The following EYS variants were observed in gnomAD, a reference collection of about 807,000 sequenced individuals.
The protein encoded by EYS is protein eyes shut homolog.
A neutral mutation model predicts 282.1 loss-of-function variants in EYS; 250 were observed. That is an observed-to-expected ratio of 0.89 (90% CI 0.80 to 0.98). The LOEUF (loss-of-function observed/expected upper bound fraction) is 0.98. Ranked by LOEUF, EYS falls within the 50% of genes least tolerant of loss-of-function variation. EYS has a pLI of 0.00. For synonymous variants in EYS, 1,355 were observed against 1,282.9 expected (o/e 1.06, Z -1.20); for missense variants, 4,016 against 3,709.0 (o/e 1.08, Z -2.15).
intron 12 of EYS, among the ~76,000 whole-genome samples, chr6:65,272,366 A>G (rs1177601479): frequency 2.0e-5 from 3 of 152,122 alleles, no homozygotes; most frequent in African/African-American, 7.2e-5. Flanking sequence ...CTTCATGAGC[A>G]GGAACCGAAG....
chr6:64,077,425 C>T (rs558721023), intron 32 of EYS, among the ~76,000 whole-genome samples: 1 of 152,018 alleles, frequency 6.6e-6, no homozygotes, highest in Admixed American at 6.6e-5. Flanking sequence ...CATTTGTTTT[C>T]TCCAGGAGTA....
chr6:65,463,304 G>A (rs1764884934), intron 5 of EYS, among the ~76,000 whole-genome samples: 1 of 151,988 alleles, frequency 6.6e-6, no homozygotes, highest in Admixed American at 6.6e-5. Context: ...CCAAACAATT[G>A]TCACTGTTCA....
chr6:65,063,125 C>A (rs549870431), intron 12 of EYS, among the ~76,000 whole-genome samples: 1 of 151,632 alleles, frequency 6.6e-6, no homozygotes, highest in South Asian at 2.1e-4. Context: ...TTATATAAAA[C>A]AAAGAAAAAA....
At chr6:63,848,699 A>C (rs887990645) in intron 36 of EYS, among the ~76,000 whole-genome samples, 1 of 151,982 alleles carries the variant, frequency 6.6e-6, no homozygotes, top group African/African-American at 2.4e-5. Flanking sequence ...AGACCAGGAG[A>C]TTCTCTCAGG....
chr6:64,722,271 G>C (rs1272188802), intron 22 of EYS, among the ~76,000 whole-genome samples: 1 of 152,090 alleles, frequency 6.6e-6, no homozygotes, highest in Non-Finnish European at 1.5e-5. Context: ...TGACAAGAAA[G>C]AAGATGGATC....
intron 26 of EYS, among the ~76,000 whole-genome samples, chr6:64,559,233 TTTC>T (rs1765324376): frequency 6.6e-6 from 1 of 151,296 alleles, no homozygotes; most frequent in Non-Finnish European, 1.5e-5. Context: ...TATTTAACAT[TTTC>T]TTTTCTTTCC....
intron 33 of EYS, among the ~76,000 whole-genome samples, chr6:64,062,053 A>G (rs1246891699): frequency 6.6e-6 from 1 of 152,134 alleles, no homozygotes; most frequent in Non-Finnish European, 1.5e-5. Context: ...CAACATTCAT[A>G]TGATGAAAAA....
chr6:65,505,080 C>A (rs1334390710), intron 2 of EYS, among the ~76,000 whole-genome samples: 1 of 151,772 alleles, frequency 6.6e-6, no homozygotes, highest in East Asian at 1.9e-4. Flanking sequence ...GATTCAATTT[C>A]TTTAATATAT....
Position 65,374,852 on chromosome 6 carries a change from G to GCAT in EYS, c.1299+9531_1299+9533dup, listed in dbSNP as rs1301513006. ...GCTAGATTCCTCTTCACTGGGTAGG[G>GCAT]CATCTCCGAAAGAAAGGCAGCTGCC... On this transcript the variant is annotated intron_variant, in intron 8 of 42. Transcript: ENST00000503581. Among the ~76,000 whole-genome samples the GCAT allele has an allele frequency of 2.6e-5, 4 of 152,116 alleles. No homozygotes were observed. The East Asian group carries it at 7.7e-4, about 29-fold the overall frequency.
Position 65,320,019 on chromosome 6 carries a change from A to G in EYS, c.1766+14961T>C, listed in dbSNP as rs548212367. 2.1e-4 allele frequency among the ~76,000 whole-genome samples: 32 copies of G among 151,978 alleles called. 1 individual carries two copies. The South Asian group carries it at 6.6e-3, about 32-fold the overall frequency. The stretch of plus-strand genomic sequence containing the variant: ...CCTCTAAAGAGAGTCTAGGTCTCAC[A>G]GGTGATCTTTTGTAGCTCTGTGATG... On this transcript the variant is annotated intron_variant, in intron 11 of 42. Coordinates refer to ENST00000503581, the MANE Select transcript of EYS (RefSeq NM_001142800.2).
chr6:64,273,564 TAC>T (rs1768011039), intron 30 of EYS, among the ~76,000 whole-genome samples: 1 of 152,210 alleles, frequency 6.6e-6, no homozygotes, highest in African/African-American at 2.4e-5. Flanking sequence ...TTTTGAGGAC[TAC>T]TATCCTAAGT....
At chr6:64,227,796 G>A (rs1766294348) in intron 31 of EYS, among the ~76,000 whole-genome samples, 1 of 151,866 alleles carries the variant, frequency 6.6e-6, no homozygotes. Context: ...TTATTTTCAT[G>A]GCACTCTGTC....
intron 22 of EYS, among the ~76,000 whole-genome samples, chr6:64,628,764 A>C (rs911690880): frequency 1.3e-5 from 2 of 152,326 alleles, no homozygotes; most frequent in South Asian, 2.1e-4. Flanking sequence ...AAGGAAAAAA[A>C]CTACTTACCT....
chr6:63,751,536 A>C (rs901249904), intron 41 of EYS, among the ~76,000 whole-genome samples: 8 of 152,202 alleles, frequency 5.3e-5, no homozygotes, highest in Non-Finnish European at 1.0e-4. Context: ...ATTAAAAAGA[A>C]CTTTTCTTCC....
intron 36 of EYS, among the ~76,000 whole-genome samples, chr6:63,817,884 G>A: frequency 6.6e-6 from 1 of 152,188 alleles, no homozygotes; most frequent in East Asian, 1.9e-4. Flanking sequence ...CCTGCGGTCA[G>A]GAGCTTCACG....
At chr6:65,131,173 T>C (rs1303040760) in intron 12 of EYS, among the ~76,000 whole-genome samples, 1 of 151,830 alleles carries the variant, frequency 6.6e-6, no homozygotes, top group East Asian at 1.9e-4. Context: ...TGATGAGAAG[T>C]TAGTTTTATT....
intron 11 of EYS, among the ~76,000 whole-genome samples, chr6:65,312,449 C>T (rs1035552776): frequency 4.7e-4 from 72 of 151,986 alleles, no homozygotes; most frequent in African/African-American, 1.6e-3. Flanking sequence ...TCCATGGCCC[C>T]ATGCCTAATT....
intron 12 of EYS, among the ~76,000 whole-genome samples, chr6:65,221,419 G>A (rs1032065926): frequency 3.3e-5 from 5 of 152,170 alleles, no homozygotes; most frequent in African/African-American, 7.2e-5. Context: ...GGCTAAAAGG[G>A]GGCAACATAG....
chr6:64,138,613 G>T (rs1474947272), intron 31 of EYS, among the ~76,000 whole-genome samples: 1 of 152,158 alleles, frequency 6.6e-6, no homozygotes, highest in African/African-American at 2.4e-5. Flanking sequence ...TAGGGCATTT[G>T]GGAGAGTGCT....
Sources: allele counts gnomAD v4.1 joint callset (sites outside exome capture counted in the v4.1 genomes callset), GRCh38; gene constraint gnomAD v4.1.1; transcripts MANE v1.5; gene names NCBI Gene and HGNC (gene_info 2026-07-23, HGNC 2026-07-21).